Variants in DERPC observed in about 807,000 individuals in gnomAD.
The protein encoded by DERPC is decreased expression in renal and prostate cancer protein.
In DERPC, 1 loss-of-function variant was observed where a neutral mutation model predicts 7.2. The observed-to-expected ratio is 0.14, with a 90% CI of 0.05 to 0.66. The LOEUF (loss-of-function observed/expected upper bound fraction) is 0.66. DERPC is among the 30% of genes least tolerant of loss of function. The probability of loss-of-function intolerance (pLI) is 0.84; values close to 1 mark genes in which losing one functional copy is unlikely to be tolerated. For missense variants in DERPC, 502 were observed against 299.4 expected (o/e 1.68, Z -4.99); for synonymous variants, 185 against 117.6 (o/e 1.57, Z -3.71).
At chr16:69,127,096 C>T (rs56237738) in intron 1 of DERPC, among the ~76,000 whole-genome samples, 2,528 of 151,980 alleles carry the variant, frequency 0.017, 33 homozygotes, top group Middle Eastern at 0.044. Context: ...AAATTAGCCG[C>T]GCGTGGTGGC....
Position 69,118,382 on chromosome 16 carries a change from G to T in DERPC, c.*472C>A, listed in dbSNP as rs1486357781. On this transcript the variant is annotated 3_prime_UTR_variant, in exon 3 of 3. Coordinates refer to ENST00000519520, the MANE Select transcript of DERPC (RefSeq NM_001002847.4). ...CCCAGGGAAAGGTATGGCAGTAGAG[G>T]ATGACCAGGTCCAAGCTGCCCAGGT... 2.5e-6 allele frequency: 4 copies of T among 1,611,958 alleles called. No homozygotes were observed. Among genetic ancestry groups the T allele is most frequent in the African/African-American group, 2.7e-5 (2 of 74,872 alleles).
At chr16:69,125,030 G>T (rs1356018307) in intron 1 of DERPC, among the ~76,000 whole-genome samples, 1 of 152,104 alleles carries the variant, frequency 6.6e-6, no homozygotes, top group Non-Finnish European at 1.5e-5. Flanking sequence ...TCAGCCTCCC[G>T]AGTAGCTAGG....
intron 2 of DERPC, 84 bp downstream of exon 2, chr16:69,121,352 G>A: frequency 7.6e-7 from 1 of 1,317,234 alleles, no homozygotes; most frequent in Non-Finnish European, 1.1e-6. Flanking sequence ...TGCACCTAAG[G>A]ACCCTGATTC....
chr16:69,125,927 AC>A (rs1962029215), intron 1 of DERPC, among the ~76,000 whole-genome samples: 1 of 152,148 alleles, frequency 6.6e-6, no homozygotes, highest in South Asian at 2.1e-4. Context: ...TGCTTTAAAG[AC>A]CCCAAGTTCT....
chr16:69,120,228 C>T lies in DERPC; in HGVS notation c.201G>A (p.Arg67=), dbSNP rs1294249804. Residue 67 remains arginine (R), a synonymous_variant, in exon 3 of 3, where the codon AGG becomes AGA. Coordinates refer to ENST00000519520, the MANE Select transcript of DERPC (RefSeq NM_001002847.4). The surrounding 1 kb of genome is among the most constrained non-coding windows in gnomAD (Gnocchi z 4.0). ...ATGAAGCTGGAAAAGGAGATGGGTTCCTTGGAAATGGGGTCAGATTTCCAC... is the reference window on the plus strand; with the variant it reads ...ATGAAGCTGGAAAAGGAGATGGGTTTCTTGGAAATGGGGTCAGATTTCCAC... ...SLGGNLTPFP[R]NPSPFPASSG... The T allele has an allele frequency of 1.4e-6, 1 of 706,210 alleles. No homozygotes were observed. Among genetic ancestry groups the T allele is most frequent in the East Asian group, 2.7e-5 (1 of 37,310 alleles). The allele number at this position is 706,210 out of a possible 1,614,324, so 43.7% of individuals were successfully genotyped here.
rs1178140245 is a variant in DERPC, at chr16:69,120,026, C to G, written c.403G>C (p.Ala135Pro). The change falls in exon 3 of 3, where the codon GCT (alanine) becomes CCT (proline). Residue 135 changes from alanine to proline, a missense_variant. By Grantham distance (27) the Ala-to-Pro change is conservative (BLOSUM62 -1). Coordinates refer to ENST00000519520, the MANE Select transcript of DERPC (RefSeq NM_001002847.4). The surrounding 1 kb of genome is among the most constrained non-coding windows in gnomAD (Gnocchi z 4.0). ...GACAGAGGCCCTGGGCCTGGCAGAGCCCCTGTCCTAGGGTTTAGGGTGGGG... is the reference window on the plus strand; with the variant it reads ...GACAGAGGCCCTGGGCCTGGCAGAGGCCCTGTCCTAGGGTTTAGGGTGGGG... The part of the protein sequence containing the change: ...PGPTLNPRTG[A>P]LPGPGPLSNP... 1 of 690,064 alleles carries G rather than the reference C, an allele frequency of 1.4e-6. No homozygotes were observed. Among genetic ancestry groups the G allele is most frequent in the Admixed American group, 2.1e-5 (1 of 47,842 alleles). 42.7% of individuals were successfully genotyped at this position (690,064 alleles called of 1,614,324 possible).
intron 1 of DERPC, among the ~76,000 whole-genome samples, chr16:69,131,798 C>T (rs1962544177): frequency 1.3e-5 from 2 of 151,870 alleles, no homozygotes; most frequent in South Asian, 4.2e-4. Context: ...GTTCCCGGTT[C>T]TCAAGTACTC....
chr16:69,128,600 A>AG (rs1287923065), intron 1 of DERPC, among the ~76,000 whole-genome samples: 3 of 152,176 alleles, frequency 2.0e-5, no homozygotes, highest in African/African-American at 7.2e-5. Context: ...ATCTCAGTAA[A>AG]GGAAACTTTT....
chr16:69,127,117 A>G (rs561547542), intron 1 of DERPC, among the ~76,000 whole-genome samples: 3 of 152,154 alleles, frequency 2.0e-5, no homozygotes, highest in African/African-American at 7.2e-5. Context: ...GGGTGCCTGT[A>G]ATCCCAGCTA....
intron 1 of DERPC, among the ~76,000 whole-genome samples, chr16:69,127,969 C>G (rs189070317): frequency 6.6e-6 from 1 of 151,380 alleles, no homozygotes; most frequent in Admixed American, 6.6e-5. Context: ...GGCTGGAGTG[C>G]AGTGGCGCAA....
chr16:69,128,119 TAGTC>T (rs780930566), intron 1 of DERPC, among the ~76,000 whole-genome samples: 16 of 151,828 alleles, frequency 1.1e-4, no homozygotes, highest in Middle Eastern at 3.4e-3. Context: ...TTCACCCTAT[TAGTC>T]AGGCTGGTCT....
At chr16:69,130,996 C>T (rs971505791) in intron 1 of DERPC, among the ~76,000 whole-genome samples, 1 of 152,184 alleles carries the variant, frequency 6.6e-6, no homozygotes, top group Non-Finnish European at 1.5e-5. Flanking sequence ...GTTTTACATA[C>T]AACCGAATAC....
chr16:69,123,944 A>AC (rs1597114565), intron 1 of DERPC, among the ~76,000 whole-genome samples: 2 of 150,710 alleles, frequency 1.3e-5, no homozygotes, highest in South Asian at 4.2e-4. Context: ...AAAAAAAAAA[A>AC]AAACAAAAAA....
chr16:69,123,346 A>C (rs1961819798), intron 1 of DERPC, among the ~76,000 whole-genome samples: 1 of 152,118 alleles, frequency 6.6e-6, no homozygotes, highest in Admixed American at 6.6e-5. Flanking sequence ...CAAGGTTCAA[A>C]GGGTCTCCCT....
At chr16:69,126,823 GCT>G (rs1321693524) in intron 1 of DERPC, among the ~76,000 whole-genome samples, 1 of 152,114 alleles carries the variant, frequency 6.6e-6, no homozygotes, top group African/African-American at 2.4e-5. Context: ...TTCTTTTCTT[GCT>G]CCTTGAGATT....
At chr16:69,122,363 T>C (rs1487706182) in intron 1 of DERPC, among the ~76,000 whole-genome samples, 1 of 150,164 alleles carries the variant, frequency 6.7e-6, no homozygotes, top group Non-Finnish European at 1.5e-5. Context: ...CTTAAGGATA[T>C]TCTTTTTTTT....
chr16:69,131,197 A>G (rs575059508), intron 1 of DERPC: 2 of 152,298 alleles, frequency 1.3e-5, no homozygotes, highest in South Asian at 4.1e-4. Context: ...TCCAAACTTT[A>G]CATTAGTGAA....
At chr16:69,131,481 C>CCCACCCACCCCCATCTTCT (rs1197769831) in intron 1 of DERPC, 5 of 133,432 alleles carry the variant, frequency 3.7e-5, no homozygotes, top group Non-Finnish European at 8.0e-5. Flanking sequence ...TGCTCTTCCT[C>CCCACCCACCCCCATCTTCT]CCACCCACCC....
chr16:69,123,207 G>A (rs934620128), intron 1 of DERPC, among the ~76,000 whole-genome samples: 1 of 152,116 alleles, frequency 6.6e-6, no homozygotes, highest in African/African-American at 2.4e-5. Context: ...CAGATGTGAG[G>A]CACTGTGCCC....
Sources: allele counts gnomAD v4.1 joint callset (sites outside exome capture counted in the v4.1 genomes callset), GRCh38; gene constraint gnomAD v4.1.1; non-coding constraint Gnocchi (gnomAD v3.1); transcripts MANE v1.5; gene names NCBI Gene and HGNC (gene_info 2026-07-23, HGNC 2026-07-21).